The following KDM3A variants were observed in gnomAD, a reference collection of about 807,000 sequenced individuals.
The protein encoded by KDM3A is lysine-specific demethylase 3A.
In KDM3A, 60 loss-of-function variants were observed where a neutral mutation model predicts 158.0. The ratio of observed to expected loss-of-function variants is 0.38; its 90% confidence interval spans 0.31 to 0.47. The LOEUF (loss-of-function observed/expected upper bound fraction) is 0.47, where lower values mean the gene tolerates loss of function less well. KDM3A is among the 20% of genes least tolerant of loss of function. The probability of loss-of-function intolerance (pLI) is 0.99; values close to 1 mark genes in which losing one functional copy is unlikely to be tolerated. For missense variants in KDM3A, 1,319 were observed against 1,574.3 expected, an observed-to-expected ratio of 0.84 and a Z score of 2.74; for synonymous variants, 608 against 549.3, an observed-to-expected ratio of 1.11 and a Z score of -1.49.
At chr2:86,473,862 C>T (rs2104681632) in intron 11 of KDM3A, among the ~76,000 whole-genome samples, 1 of 152,300 alleles carries the variant, frequency 6.6e-6, no homozygotes, top group South Asian at 2.1e-4. Context: ...AAATGTTCTG[C>T]CCTTTGTTCC....
At chr2:86,441,967 GC>G in intron 1 of KDM3A, 50 bp from the exon 2 acceptor site, 2 of 1,492,126 alleles carry the variant, frequency 1.3e-6, no homozygotes. Flanking sequence ...TCTCCGCCCG[GC>G]CCCCTCCCAC....
intron 9 of KDM3A, among the ~76,000 whole-genome samples, chr2:86,464,605 A>G (rs1046329281): frequency 8.5e-5 from 13 of 152,218 alleles, no homozygotes; most frequent in Admixed American, 8.5e-4. Flanking sequence ...ACATGAATTG[A>G]CCCAAGTATA....
At chr2:86,453,382 C>G (rs1672550868) in intron 4 of KDM3A, among the ~76,000 whole-genome samples, 1 of 152,134 alleles carries the variant, frequency 6.6e-6, no homozygotes, top group African/African-American at 2.4e-5. Flanking sequence ...CAGTAGGATA[C>G]TTGCTCTAGA....
chr2:86,484,644 T>G (rs1363597693), intron 19 of KDM3A: 2 of 313,178 alleles, frequency 6.4e-6, no homozygotes, highest in South Asian at 1.0e-4. Flanking sequence ...TTAATAAGCT[T>G]CTAGGAAAGA....
Position 86,480,464 on chromosome 2 carries a change from T to C in KDM3A, c.2512+102T>C, listed in dbSNP as rs184385027. The C allele has an allele frequency of 2.1e-4, 201 of 960,404 alleles. 1 individual carries two copies. The African/African-American group carries it at 3.1e-3, about 15-fold the overall frequency. The allele number at this position is 960,404 out of a possible 1,614,324, so 59.5% of individuals were successfully genotyped here. On this transcript the variant is annotated intron_variant, in intron 16 of 25. Transcript: ENST00000312912. ...AGAAGTCGTGTGGAATGGAAAGTGC[T>C]TCTCTGGAGTCATCCTGGAACCTGC... is the stretch of plus-strand genomic sequence containing the variant.
At chr2:86,479,982 T>C in intron 15 of KDM3A, 185 bp from the exon 16 acceptor site, 1 of 599,178 alleles carries the variant, frequency 1.7e-6, no homozygotes, top group Non-Finnish European at 3.0e-6. Flanking sequence ...ACATCTCTCC[T>C]ACCTTTTAGT....
chr2:86,449,895 A>G lies in KDM3A; in HGVS notation c.275A>G (p.His92Arg), dbSNP rs201066011. ...SLLRRAFLVE[H>R]NLVLAERKSP... ...CTAAGGAGAGCATTTTTAGTAGAAC[A>G]TAATTTGGTTTTAGCTGAACGAAAG... is the stretch of plus-strand genomic sequence containing the variant. The change falls in exon 3 of 26, where the codon CAT (histidine) becomes CGT (arginine). Residue 92 changes from histidine to arginine, a missense_variant. His to Arg is a conservative substitution (Grantham distance 29). This residue lies in a region of KDM3A where 652 missense variants were observed against 627.2 expected (regional missense o/e 1.04). Transcript: ENST00000312912. 6.1e-5 allele frequency: 99 copies of G among 1,613,958 alleles called. No homozygotes were observed. The East Asian group carries it at 2.0e-3, about 32-fold the overall frequency.
chr2:86,451,002 G>A (rs1009838839), intron 3 of KDM3A, 101 bp from the exon 4 acceptor site: 4 of 658,776 alleles, frequency 6.1e-6, no homozygotes, highest in East Asian at 2.8e-5. Context: ...AAAAAAATTA[G>A]TGGCTTTATC....
chr2:86,444,215 T>C (rs536360981), intron 2 of KDM3A, among the ~76,000 whole-genome samples: 1 of 152,332 alleles, frequency 6.6e-6, no homozygotes, highest in African/African-American at 2.4e-5. Flanking sequence ...CAGATTTGCA[T>C]AATTAGCTGC....
intron 8 of KDM3A, among the ~76,000 whole-genome samples, chr2:86,459,283 A>G (rs1382137882): frequency 2.0e-5 from 3 of 152,218 alleles, no homozygotes; most frequent in South Asian, 2.1e-4. Flanking sequence ...GCTCAGAGAC[A>G]ATATTGTCAA....
intron 6 of KDM3A, 64 bp from the exon 7 acceptor site, chr2:86,456,741 T>C: frequency 1.4e-6 from 2 of 1,389,840 alleles, no homozygotes; most frequent in East Asian, 2.3e-5. Flanking sequence ...TTAATGAACC[T>C]GATTTTCAGT....
chr2:86,444,775 G>A (rs532687607), intron 2 of KDM3A, among the ~76,000 whole-genome samples: 1 of 152,110 alleles, frequency 6.6e-6, no homozygotes, highest in Non-Finnish European at 1.5e-5. Context: ...TGTTTAGATA[G>A]TTATGGATGA....
intron 2 of KDM3A, among the ~76,000 whole-genome samples, chr2:86,446,443 CTG>C (rs1216264757): frequency 2.0e-5 from 3 of 152,350 alleles, no homozygotes; most frequent in East Asian, 3.9e-4. Flanking sequence ...TGGCTCATGT[CTG>C]TAATCCCAAT....
chr2:86,459,822 T>G (rs1461023703), intron 8 of KDM3A, among the ~76,000 whole-genome samples: 2 of 152,208 alleles, frequency 1.3e-5, no homozygotes, highest in Non-Finnish European at 2.9e-5. Flanking sequence ...TTGAGCTGAT[T>G]GTTGGGCACA....
chr2:86,465,949 A>AC (rs1272966250), intron 9 of KDM3A, among the ~76,000 whole-genome samples: 1 of 151,502 alleles, frequency 6.6e-6, no homozygotes, highest in Non-Finnish European at 1.5e-5. Context: ...AAAAAAAAAA[A>AC]AAAAAAAAGA....
In KDM3A at chr2:86,480,290, T is replaced by C; in HGVS notation, c.2440T>C (p.Cys814Arg). The change falls in exon 16 of 26, where the codon TGT (cysteine) becomes CGT (arginine). Residue 814 changes from cysteine to arginine, a missense_variant. Physicochemically the swap from Cys to Arg is radical, Grantham distance 180. Coordinates refer to ENST00000312912, the MANE Select transcript of KDM3A (RefSeq NM_018433.6). ...SKPAGSMKPA[C>R]PASTSPLNWL... ...GCCAGCCGGCAGCATGAAGCCTGCC[T>C]GTCCAGCCAGCACATCTCCTCTAAA... 3 of 1,614,150 alleles carry C rather than the reference T, an allele frequency of 1.9e-6. No homozygotes were observed. Among genetic ancestry groups the C allele is most frequent in the Non-Finnish European group, 2.5e-6 (3 of 1,180,030 alleles).
chr2:86,437,608 TTTG>T (rs140040869), upstream of KDM3A, among the ~76,000 whole-genome samples: 11,203 of 152,248 alleles, frequency 0.074, 462 homozygotes, highest in Non-Finnish European at 0.079. Context: ...GATGTTTTTA[TTTG>T]TTGTTTTGTT....
At chr2:86,441,261 T>A (rs1480661981), upstream of KDM3A, 1 of 150,856 alleles carries the variant, frequency 6.6e-6, no homozygotes, top group Non-Finnish European at 1.5e-5. Context: ...GATGATCTGT[T>A]TCCCCCGGAG....
chr2:86,456,455 A>G lies in KDM3A; in HGVS notation c.570A>G (p.Leu190=). ...TTTTTTTTTAAGGTGACAAAAACTT[A>G]GTTGGTTCAGAAGTAAAAATTTATA... is the stretch of plus-strand genomic sequence containing the variant. ...ESHLLKGDKN[L]VGSEVKIYSL... Residue 190 remains leucine, a synonymous_variant, in exon 6 of 26, where the codon TTA becomes TTG. Transcript: ENST00000312912. 1 of 1,409,790 alleles carries G rather than the reference A, an allele frequency of 7.1e-7. No individual in the cohort carries two copies. The highest frequency in any genetic ancestry group is 1.4e-5 in the South Asian group (1 of 72,690). The allele number at this position is 1,409,790 out of a possible 1,614,324, so 87.3% of individuals were successfully genotyped here.
Sources: allele counts gnomAD v4.1 joint callset (sites outside exome capture counted in the v4.1 genomes callset), GRCh38; gene constraint gnomAD v4.1.1; regional missense constraint gnomAD v4.1.1; transcripts MANE v1.5; gene names NCBI Gene and HGNC (gene_info 2026-07-23, HGNC 2026-07-21).